Variants in FSTL4 observed in about 807,000 individuals in gnomAD.
FSTL4 encodes the protein follistatin like 4.
FSTL4 carries 28 observed loss-of-function variants against 78.2 expected under a neutral mutation model. The observed-to-expected ratio is 0.36, with a 90% CI of 0.27 to 0.49. The LOEUF (loss-of-function observed/expected upper bound fraction) is 0.49. FSTL4 is among the 20% of genes least tolerant of loss of function. The pLI, the probability that FSTL4 is intolerant of heterozygous loss-of-function variation, is 0.98. For missense variants in FSTL4, 922 were observed against 1,084.9 expected, an observed-to-expected ratio of 0.85 and a Z score of 2.11; for synonymous variants, 422 against 440.5, an observed-to-expected ratio of 0.96 and a Z score of 0.53.
intron 3 of FSTL4, among the ~76,000 whole-genome samples, chr5:133,469,002 ATAAT>A (rs1168059578): frequency 6.6e-6 from 1 of 152,216 alleles, no homozygotes; most frequent in Non-Finnish European, 1.5e-5. Context: ...AAAGGCAGGT[ATAAT>A]TACTCTTAAT....
intron 6 of FSTL4, among the ~76,000 whole-genome samples, chr5:133,311,657 A>T (rs2126887342): frequency 6.6e-6 from 1 of 152,260 alleles, no homozygotes. Flanking sequence ...GGAAAACGGG[A>T]GTCCAGGTAA....
chr5:133,269,821 G>A (rs772114786), intron 6 of FSTL4, among the ~76,000 whole-genome samples: 20 of 152,174 alleles, frequency 1.3e-4, no homozygotes, highest in Non-Finnish European at 2.4e-4. Flanking sequence ...ACTGCAGCTC[G>A]GACCCTTATG....
intron 3 of FSTL4, among the ~76,000 whole-genome samples, chr5:133,419,747 C>A (rs1018833009): frequency 2.0e-5 from 3 of 152,168 alleles, no homozygotes; most frequent in African/African-American, 7.2e-5. Flanking sequence ...CAGATCCTTG[C>A]CAACACTGGC....
chr5:133,729,360 A>G, the FSTL4 span, among the ~76,000 whole-genome samples: 1 of 152,166 alleles, frequency 6.6e-6, no homozygotes, highest in South Asian at 2.1e-4. Context: ...TGGGAGAGCT[A>G]CTTAAACTTT....
At chr5:133,816,550 C>T in the FSTL4 span, among the ~76,000 whole-genome samples, 3 of 152,108 alleles carry the variant, frequency 2.0e-5, no homozygotes, top group Non-Finnish European at 4.4e-5. Flanking sequence ...CCAGGCCCTG[C>T]AACTCCCAGA....
At chr5:133,222,805 TTCTCC>T (rs1196917179) in intron 11 of FSTL4, among the ~76,000 whole-genome samples, 3 of 152,210 alleles carry the variant, frequency 2.0e-5, no homozygotes, top group Non-Finnish European at 4.4e-5. Context: ...CTTTTGTCTG[TTCTCC>T]TCTCATTTCT....
At chr5:133,223,311 A>G (rs1751213811) in intron 11 of FSTL4, among the ~76,000 whole-genome samples, 2 of 152,212 alleles carry the variant, frequency 1.3e-5, no homozygotes, top group South Asian at 2.1e-4. Context: ...CGTTCAGGAA[A>G]TTGTTCTGAG....
At chr5:133,408,815 G>A (rs1003790135) in intron 3 of FSTL4, among the ~76,000 whole-genome samples, 2 of 152,116 alleles carry the variant, frequency 1.3e-5, no homozygotes, top group African/African-American at 4.8e-5. Flanking sequence ...TTGCTTTGAG[G>A]ATTACATGAG....
At chr5:133,443,646 C>A (rs1349226330) in intron 3 of FSTL4, among the ~76,000 whole-genome samples, 1 of 152,210 alleles carries the variant, frequency 6.6e-6, no homozygotes, top group East Asian at 1.9e-4. Context: ...TCCAGCTCCT[C>A]TCAGGCCAGC....
chr5:133,638,584 T>C, the FSTL4 span, among the ~76,000 whole-genome samples: 1 of 152,182 alleles, frequency 6.6e-6, no homozygotes, highest in African/African-American at 2.4e-5. Flanking sequence ...TTCCAGACCC[T>C]GCTTCTCAAT....
At chr5:133,661,154 C>T in the FSTL4 span, among the ~76,000 whole-genome samples, 3 of 152,142 alleles carry the variant, frequency 2.0e-5, no homozygotes, top group East Asian at 1.9e-4. Context: ...TCATGCCTGG[C>T]TAATTTTTGT....
At chr5:133,837,160 C>A in the FSTL4 span, among the ~76,000 whole-genome samples, 26 of 151,808 alleles carry the variant, frequency 1.7e-4, no homozygotes, top group Non-Finnish European at 3.5e-4. Context: ...AAGTTTTCTA[C>A]TGATCCTTCT....
intron 6 of FSTL4, 137 bp from the exon 7 acceptor site, chr5:133,249,713 G>A (rs955335538): frequency 1.5e-6 from 1 of 649,510 alleles, no homozygotes; most frequent in Non-Finnish European, 2.6e-6. Flanking sequence ...TGTTTACAAT[G>A]TGCTGACTAA....
chr5:133,369,446 CATG>C (rs1755244824), intron 4 of FSTL4, among the ~76,000 whole-genome samples: 2 of 151,974 alleles, frequency 1.3e-5, no homozygotes, highest in African/African-American at 4.8e-5. Flanking sequence ...CTCAGAATAT[CATG>C]ATGAGAAGGG....
chr5:133,736,878 G>A, the FSTL4 span, among the ~76,000 whole-genome samples: 12 of 152,234 alleles, frequency 7.9e-5, no homozygotes, highest in Middle Eastern at 3.4e-3. Flanking sequence ...TGTGGGAGAC[G>A]TGTGCATTCT....
At chr5:133,509,208 C>A (rs901308526) in intron 3 of FSTL4, among the ~76,000 whole-genome samples, 5 of 152,194 alleles carry the variant, frequency 3.3e-5, no homozygotes, top group African/African-American at 1.2e-4. Flanking sequence ...AGCTGCCCTG[C>A]TACACTGGGT....
At chr5:133,432,994 A>G (rs1186257767) in intron 3 of FSTL4, among the ~76,000 whole-genome samples, 1 of 152,236 alleles carries the variant, frequency 6.6e-6, no homozygotes, top group South Asian at 2.1e-4. Context: ...GAGAGTGCAG[A>G]AGGCTTCTTG....
At chr5:133,815,045 T>C in the FSTL4 span, among the ~76,000 whole-genome samples, 1 of 152,212 alleles carries the variant, frequency 6.6e-6, no homozygotes, top group Admixed American at 6.5e-5. Context: ...GCAAGAGGTC[T>C]GGGTATCAAT....
chr5:133,454,121 T>C (rs1178830664), intron 3 of FSTL4, among the ~76,000 whole-genome samples: 2 of 151,980 alleles, frequency 1.3e-5, no homozygotes, highest in African/African-American at 4.8e-5. Context: ...ATATTATAGA[T>C]ACTATCACGC....
Sources: allele counts gnomAD v4.1 joint callset (sites outside exome capture counted in the v4.1 genomes callset), GRCh38; gene constraint gnomAD v4.1.1; transcripts MANE v1.5; gene names NCBI Gene and HGNC (gene_info 2026-07-23, HGNC 2026-07-21).